Variants in SPAG6 observed in about 807,000 individuals in gnomAD.
SPAG6 encodes the protein sperm-associated antigen 6.
A neutral mutation model predicts 58.5 loss-of-function variants in SPAG6; 49 were observed. That is an observed-to-expected ratio of 0.84 (90% CI 0.67 to 1.06). SPAG6 has a LOEUF of 1.06. Ranked by LOEUF, SPAG6 falls within the 50% of genes least tolerant of loss-of-function variation. The pLI, the probability that SPAG6 is intolerant of heterozygous loss-of-function variation, is 0.00. For synonymous variants in SPAG6, 233 were observed against 225.6 expected, an observed-to-expected ratio of 1.03 and a Z score of -0.29; for missense variants, 560 against 611.3, an observed-to-expected ratio of 0.92 and a Z score of 0.89.
chr10:22,410,550 GT>G (rs1348277564), intron 9 of SPAG6, among the ~76,000 whole-genome samples: 1 of 151,954 alleles, frequency 6.6e-6, no homozygotes, highest in African/African-American at 2.4e-5. Context: ...GGAGAGGTTT[GT>G]GGAGTGTGGA....
chr10:22,411,681 T>C (rs1292672020), intron 10 of SPAG6: 1 of 152,118 alleles, frequency 6.6e-6, no homozygotes, highest in Non-Finnish European at 1.5e-5. Context: ...TATAGCAAGA[T>C]GCTATTTTCA....
At chr10:22,403,220 G>A (rs541056022) in intron 9 of SPAG6, among the ~76,000 whole-genome samples, 1 of 152,032 alleles carries the variant, frequency 6.6e-6, no homozygotes, top group Non-Finnish European at 1.5e-5. Flanking sequence ...TGCCGTGCTG[G>A]TGCGTTGCAC....
intron 2 of SPAG6, among the ~76,000 whole-genome samples, chr10:22,358,183 T>G (rs1297633242): frequency 1.3e-5 from 2 of 152,174 alleles, no homozygotes; most frequent in Non-Finnish European, 2.9e-5. Flanking sequence ...ATGGTTGAAC[T>G]AGTTTACAGT....
At chr10:22,390,345 T>C (rs1016339251) in intron 7 of SPAG6, among the ~76,000 whole-genome samples, 1 of 152,162 alleles carries the variant, frequency 6.6e-6, no homozygotes, top group African/African-American at 2.4e-5. Flanking sequence ...CAATTGCCGT[T>C]GCTTCCCATA....
chr10:22,368,579 G>A lies in SPAG6; in HGVS notation c.373G>A (p.Gly125Arg), dbSNP rs891515979. The A allele has an allele frequency of 9.3e-6, 15 of 1,613,826 alleles. No homozygotes were observed. The highest frequency in any genetic ancestry group is 1.2e-5 in the Non-Finnish European group (14 of 1,179,954). ...PQLAQAIVDC[G>R]ALDTLVICLE... Reference sequence around the variant, plus strand: ...GCTAGCTCAGGCAATAGTCGATTGTGGAGCACTGGATACGCTGGTCATATG... The same window carrying A: ...GCTAGCTCAGGCAATAGTCGATTGTAGAGCACTGGATACGCTGGTCATATG... Residue 125 changes from glycine to arginine, a missense_variant, in exon 4 of 11, where the codon GGA (glycine) becomes AGA (arginine). By Grantham distance (125) the Gly-to-Arg change is moderately radical (BLOSUM62 -2). Coordinates refer to ENST00000376624, the MANE Select transcript of SPAG6 (RefSeq NM_012443.4).
intron 9 of SPAG6, among the ~76,000 whole-genome samples, chr10:22,404,391 G>T: frequency 8.4e-5 from 1 of 11,910 alleles, no homozygotes; most frequent in African/African-American, 3.0e-4. Flanking sequence ...ATTAAATAGG[G>T]AATCCTTTCC....
At chr10:22,346,429 G>GGTTCTTCTTCTTCTT (rs1167370702) in intron 2 of SPAG6, among the ~76,000 whole-genome samples, 3 of 86,972 alleles carry the variant, frequency 3.4e-5, no homozygotes, top group African/African-American at 7.6e-5. Flanking sequence ...AAGAGAAAAT[G>GGTTCTTCTTCTTCTT]GTTCTTCTTC....
intron 8 of SPAG6, among the ~76,000 whole-genome samples, chr10:22,397,203 C>A (rs1262930809): frequency 6.6e-6 from 1 of 152,044 alleles, no homozygotes; most frequent in African/African-American, 2.4e-5. Context: ...GGAATTCACA[C>A]ACACAGACAC....
intron 8 of SPAG6, among the ~76,000 whole-genome samples, chr10:22,396,461 C>G (rs1402180332): frequency 7.9e-5 from 12 of 152,166 alleles, no homozygotes; most frequent in Admixed American, 7.9e-4. Context: ...AATTAAACCT[C>G]TTTTTCTTCC....
In SPAG6 at chr10:22,364,892, T is replaced by A. The variant is rs896243309; in HGVS notation, c.161T>A (p.Val54Asp). 2.5e-6 allele frequency: 4 copies of A among 1,613,250 alleles called. No homozygotes were observed. Among genetic ancestry groups the A allele is most frequent in the Non-Finnish European group, 3.4e-6 (4 of 1,179,586 alleles). The change falls in exon 3 of 11, where the codon GTC becomes GAC. Residue 54 changes from valine (V) to aspartate (D), a missense_variant. Physicochemically the swap from Val to Asp is radical, Grantham distance 152. Coordinates refer to ENST00000376624, the MANE Select transcript of SPAG6 (RefSeq NM_012443.4). Reference protein sequence around the residue: ...SLLRTLLLDVVPTIQQTAALA... With the variant: ...SLLRTLLLDVDPTIQQTAALA... ...CTGAGAACTCTTCTTCTGGACGTGG[T>A]CCCAACAATTCAACAGACTGCTGCT...
chr10:22,409,877 C>G (rs995141313), intron 9 of SPAG6, among the ~76,000 whole-genome samples: 1 of 152,138 alleles, frequency 6.6e-6, no homozygotes, highest in Admixed American at 6.5e-5. Context: ...ATCCTAAGAT[C>G]AAAACCTGCA....
At chr10:22,415,010 C>A (rs1004434053) in intron 10 of SPAG6, among the ~76,000 whole-genome samples, 2 of 152,138 alleles carry the variant, frequency 1.3e-5, no homozygotes, top group African/African-American at 4.8e-5. Context: ...AGGTGTTCCA[C>A]CCTCCTCAGC....
At chr10:22,411,772 T>C (rs1375212442) in intron 10 of SPAG6, 3 of 150,632 alleles carry the variant, frequency 2.0e-5, no homozygotes, top group Admixed American at 6.6e-5. Context: ...GTAAGCCTAA[T>C]GGAGAACTAT....
chr10:22,402,884 T>A (rs973641281), intron 9 of SPAG6, among the ~76,000 whole-genome samples: 4 of 152,230 alleles, frequency 2.6e-5, no homozygotes, highest in Non-Finnish European at 4.4e-5. Flanking sequence ...CAGAGTTATC[T>A]GTTCTTGAAC....
intron 2 of SPAG6, among the ~76,000 whole-genome samples, chr10:22,349,368 C>G (rs1836655462): frequency 6.6e-6 from 1 of 152,128 alleles, no homozygotes; most frequent in African/African-American, 2.4e-5. Flanking sequence ...TATTTAAAAA[C>G]AAATTTTGAT....
chr10:22,349,806 C>A (rs1001098189), intron 2 of SPAG6, among the ~76,000 whole-genome samples: 3 of 152,130 alleles, frequency 2.0e-5, no homozygotes, highest in Non-Finnish European at 4.4e-5. Flanking sequence ...CAGATTGAGG[C>A]AACTTAATGG....
rs751730219 is a variant in SPAG6 at position 22,387,865 on chromosome 10, G to C, written c.721G>C (p.Val241Leu). Residue 241 changes from valine (V) to leucine (L), a missense_variant, in exon 6 of 11, where the codon GTG becomes CTG. Transcript: ENST00000376624. ...TCTCAGTCAGGTTTCAAAACATTCC[G>C]TGGATCTGGCAGAAATGGTTGTTGA... ...SALSQVSKHSVDLAEMVVEAE... is the reference protein window; with the variant it reads ...SALSQVSKHSLDLAEMVVEAE... The C allele has an allele frequency of 6.2e-7, 1 of 1,612,984 alleles. No individual in the cohort carries two copies. The highest frequency in any genetic ancestry group is 8.5e-7 in the Non-Finnish European group (1 of 1,179,594).
At chr10:22,382,586 A>G (rs116450374) in intron 4 of SPAG6, among the ~76,000 whole-genome samples, 1,843 of 152,278 alleles carry the variant, frequency 0.012, 26 homozygotes, top group African/African-American at 0.041. Context: ...CTCCTTTCAT[A>G]TAATTTATTT....
At chr10:22,353,484 A>T (rs1227911934) in intron 2 of SPAG6, among the ~76,000 whole-genome samples, 1 of 152,270 alleles carries the variant, frequency 6.6e-6, no homozygotes, top group Non-Finnish European at 1.5e-5. Context: ...ATTTATGTTA[A>T]AGTGCTACGC....
Sources: allele counts gnomAD v4.1 joint callset (sites outside exome capture counted in the v4.1 genomes callset), GRCh38; gene constraint gnomAD v4.1.1; transcripts MANE v1.5; gene names NCBI Gene and HGNC (gene_info 2026-07-23, HGNC 2026-07-21).